Variants in MAPKBP1 observed in about 807,000 individuals in gnomAD.
MAPKBP1 encodes the protein mitogen-activated protein kinase binding protein 1, also known as mitogen-activated protein kinase-binding protein 1.
MAPKBP1 carries 71 observed loss-of-function variants against 170.5 expected under a neutral mutation model. The observed-to-expected ratio is 0.42, with a 90% CI of 0.34 to 0.51. The LOEUF (loss-of-function observed/expected upper bound fraction) is 0.51, where lower values mean the gene tolerates loss of function less well. MAPKBP1 is among the 20% of genes least tolerant of loss of function. The pLI, the probability that MAPKBP1 is intolerant of heterozygous loss-of-function variation, is 0.06. For missense variants in MAPKBP1, 1,598 were observed against 1,933.0 expected, an observed-to-expected ratio of 0.83 and a Z score of 3.25; for synonymous variants, 719 against 757.9, an observed-to-expected ratio of 0.95 and a Z score of 0.84.
intron 3 of MAPKBP1, among the ~76,000 whole-genome samples, chr15:41,810,435 G>A (rs934296505): frequency 2.0e-5 from 3 of 151,898 alleles, no homozygotes; most frequent in African/African-American, 7.3e-5. Flanking sequence ...AAGCAGTGGA[G>A]GCTGGGCACG....
In MAPKBP1 at chr15:41,775,385, C is replaced by A. The variant is rs1400716273; in HGVS notation, c.110C>A (p.Ser37Tyr). ...GGAAACCGACGAGAGGACCTCAGCT[C>A]CAAGGTGAGTCCTGTTGGGATCCAC... ...KAGNRREDLS[S>Y]KVTLEKVLGI... The change falls in exon 2 of 31, where the codon TCC becomes TAC. Residue 37 changes from serine (S) to tyrosine (Y), a missense_variant. By Grantham distance (144) the Ser-to-Tyr change is moderately radical. Around this residue, in one of 6 missense-constraint regions of MAPKBP1, gnomAD observed 151 missense variants for 191.4 expected, o/e 0.79. Coordinates refer to ENST00000457542, the MANE Select transcript of MAPKBP1 (RefSeq NM_014994.3). 6.2e-7 allele frequency: 1 copy of A among 1,612,202 alleles called. No homozygotes were observed. Among genetic ancestry groups the A allele is most frequent in the African/African-American group, 1.3e-5 (1 of 74,894 alleles).
At chr15:41,792,552 T>TG (rs905025261) in intron 2 of MAPKBP1, among the ~76,000 whole-genome samples, 12 of 152,176 alleles carry the variant, frequency 7.9e-5, no homozygotes, top group Non-Finnish European at 1.8e-4. Flanking sequence ...GAGAACCAAG[T>TG]GGGTCCTCTC....
At chr15:41,783,867 G>T (rs1456775435) in intron 2 of MAPKBP1, among the ~76,000 whole-genome samples, 2 of 152,112 alleles carry the variant, frequency 1.3e-5, no homozygotes, top group Non-Finnish European at 2.9e-5. Flanking sequence ...AAATCAGCTG[G>T]GCGTGGTCGC....
intron 29 of MAPKBP1, 67 bp from the exon 30 acceptor site, chr15:41,824,417 G>T: frequency 2.1e-6 from 3 of 1,420,900 alleles, no homozygotes; most frequent in Non-Finnish European, 2.9e-6. Context: ...TGTTCTGAGT[G>T]TCTTGGGTGC....
At chr15:41,779,785 A>G (rs2064154179) in intron 2 of MAPKBP1, among the ~76,000 whole-genome samples, 1 of 152,200 alleles carries the variant, frequency 6.6e-6, no homozygotes, top group African/African-American at 2.4e-5. Flanking sequence ...GCCAGCAGCT[A>G]TGCCCCTCAC....
At chr15:41,823,265 G>A in intron 28 of MAPKBP1, 43 bp downstream of exon 28, 2 of 1,593,502 alleles carry the variant, frequency 1.3e-6, no homozygotes, top group Non-Finnish European at 8.6e-7. Flanking sequence ...CAGGGTGTAT[G>A]GAACACATGT....
rs778430824 is a variant in MAPKBP1, at chr15:41,814,746, GGGCT to G, written c.1170+22_1170+25del. 6.2e-7 allele frequency: 1 copy of G among 1,612,964 alleles called. No homozygotes were observed. The highest frequency in any genetic ancestry group is 8.5e-7 in the Non-Finnish European group (1 of 1,179,052). On this transcript the variant is annotated splice_region_variant and intron_variant, in intron 10 of 30. Coordinates refer to ENST00000457542, the MANE Select transcript of MAPKBP1 (RefSeq NM_014994.3). ...CTGCGTCTGGAGTGTGGAGGTATGT[GGGCT>G]GGCTGGCTGGCTGGAGACTGGCCAG...
chr15:41,822,690 C>T lies in MAPKBP1; in HGVS notation c.3314+13C>T. ...CCCGCCCACTCAGGTACAGAGGCCC[C>T]CTACCCCCCAGCAGCAGCTCTGGCT... On this transcript the variant is annotated intron_variant, in intron 27 of 30. Transcript: ENST00000457542. 1 of 1,613,748 alleles carries T rather than the reference C, an allele frequency of 6.2e-7. No individual in the cohort carries two copies. The highest frequency in any genetic ancestry group is 1.1e-5 in the South Asian group (1 of 91,060).
At chr15:41,813,266 A>T in intron 8 of MAPKBP1, 165 bp downstream of exon 8, 1 of 1,512,204 alleles carries the variant, frequency 6.6e-7, no homozygotes, top group Non-Finnish European at 9.2e-7. Context: ...GCCCTTGGTG[A>T]TCTGTATAAC....
chr15:41,817,166 G>A lies in MAPKBP1; in HGVS notation c.1711+131G>A, dbSNP rs1333031183. The A allele has an allele frequency of 7.1e-7, 1 of 1,417,272 alleles. No individual in the cohort carries two copies. The highest frequency in any genetic ancestry group is 9.5e-7 in the Non-Finnish European group (1 of 1,053,422). 87.8% of individuals were successfully genotyped at this position (1,417,272 alleles called of 1,614,324 possible). ...GCAGCTGGGAGGCCTGGAGCTGGTT[G>A]GGAAGATAGGTGGAACAGAGACTCT... On this transcript the variant is annotated intron_variant, in intron 14 of 30. Transcript: ENST00000457542. The surrounding 1 kb of genome is among the most constrained non-coding windows in gnomAD (Gnocchi z 4.2).
At position 41,819,393 on chromosome 15, in the gene MAPKBP1, G is replaced by C; in HGVS notation, c.2425+14G>C. ...AGAAGGCACTGGGTCTGTGGCAGTT[G>C]GGTGTGGGGGCAGACAGGCCCTAGT... On this transcript the variant is annotated intron_variant, in intron 21 of 30. Coordinates refer to ENST00000457542, the MANE Select transcript of MAPKBP1 (RefSeq NM_014994.3). The C allele has an allele frequency of 6.2e-7, 1 of 1,613,560 alleles. No homozygotes were observed. The highest frequency in any genetic ancestry group is 8.5e-7 in the Non-Finnish European group (1 of 1,179,736).
chr15:41,827,285 G>C lies in MAPKBP1; in HGVS notation c.*1849G>C, dbSNP rs1293095105. 2 of 150,626 alleles carry C rather than the reference G, an allele frequency of 1.3e-5. No individual in the cohort carries two copies. Among genetic ancestry groups the C allele is most frequent in the South Asian group, 4.2e-4 (2 of 4,770 alleles). The allele number at this position is 150,626 out of a possible 1,614,324, so 9.3% of individuals were successfully genotyped here. ...ATTGCACTCCAACCTAGGTGACAAA[G>C]CTACACGCCATCTCAAAAAAAAAAA... On this transcript the variant is annotated 3_prime_UTR_variant, in exon 31 of 31. Transcript: ENST00000457542.
chr15:41,783,087 G>A (rs1316335407), intron 2 of MAPKBP1, among the ~76,000 whole-genome samples: 1 of 152,206 alleles, frequency 6.6e-6, no homozygotes, highest in Non-Finnish European at 1.5e-5. Flanking sequence ...AGCGGTTGCT[G>A]CTTCTCTCTT....
Position 41,818,466 on chromosome 15 carries a change from A to C in MAPKBP1, c.2093-53A>C. The C allele has an allele frequency of 6.4e-7, 1 of 1,565,762 alleles. No homozygotes were observed. On this transcript the variant is annotated intron_variant, in intron 18 of 30. Coordinates refer to ENST00000457542, the MANE Select transcript of MAPKBP1 (RefSeq NM_014994.3). This position sits in a 1 kb window ranked among gnomAD's most constrained non-coding sequence, Gnocchi z 5.2. ...CGTGTCCACTGTTGGGATGGAGAGG[A>C]CTTGGTTGGGAATTTAAGGTGGCTT...
intron 3 of MAPKBP1, among the ~76,000 whole-genome samples, chr15:41,808,436 C>T (rs1231719077): frequency 2.0e-5 from 3 of 150,634 alleles, no homozygotes; most frequent in Non-Finnish European, 2.9e-5. Flanking sequence ...TGCTCAAGAG[C>T]GATGGGGTGC....
intron 2 of MAPKBP1, among the ~76,000 whole-genome samples, chr15:41,784,017 GAA>G (rs2064236933): frequency 6.6e-6 from 1 of 152,048 alleles, no homozygotes; most frequent in Non-Finnish European, 1.5e-5. Context: ...TCAAAAAAAA[GAA>G]ACTCTGATTC....
At chr15:41,825,144 G>A (rs892505501) in intron 30 of MAPKBP1, 65 bp from the exon 31 acceptor site, 1 of 1,384,120 alleles carries the variant, frequency 7.2e-7, no homozygotes, top group African/African-American at 1.4e-5. Flanking sequence ...ACCCAGGTGG[G>A]GCCCCTCCCT....
In MAPKBP1 at chr15:41,816,953, T is replaced by C. The variant is rs764709227; in HGVS notation, c.1629T>C (p.His543=). Residue 543 remains histidine, a synonymous_variant, in exon 14 of 31, where the codon CAT becomes CAC. Transcript: ENST00000457542. The part of the protein sequence containing the change: ...LASASRDRLI[H]VLDAGREYSL... Reference sequence around the variant, plus strand: ...CGGCGAGCCGGGACCGGCTGATCCATGTGCTGGATGCCGGGCGGGAGTACA... The same window carrying C: ...CGGCGAGCCGGGACCGGCTGATCCACGTGCTGGATGCCGGGCGGGAGTACA... 3.1e-6 allele frequency: 5 copies of C among 1,612,748 alleles called. No homozygotes were observed. Among genetic ancestry groups the C allele is most frequent in the Middle Eastern group, 1.7e-4 (1 of 6,056 alleles).
At chr15:41,800,541 C>T (rs532759122) in intron 3 of MAPKBP1, among the ~76,000 whole-genome samples, 1 of 152,254 alleles carries the variant, frequency 6.6e-6, no homozygotes, top group African/African-American at 2.4e-5. Context: ...CACCACATTG[C>T]CCAGGCTGGT....
Sources: allele counts gnomAD v4.1 joint callset (sites outside exome capture counted in the v4.1 genomes callset), GRCh38; gene constraint gnomAD v4.1.1; regional missense constraint gnomAD v4.1.1; non-coding constraint Gnocchi (gnomAD v3.1); transcripts MANE v1.5; gene names NCBI Gene and HGNC (gene_info 2026-07-23, HGNC 2026-07-21).